GARS1: variants seen among roughly 807,000 people sequenced by gnomAD.
GARS1 encodes the protein glycyl-tRNA synthetase 1.
Under a neutral mutation model 86.4 loss-of-function variants are expected in GARS1, and 46 were observed. That is an observed-to-expected ratio of 0.53 (90% CI 0.42 to 0.68). GARS1 has a LOEUF of 0.68. Ranked by LOEUF, GARS1 falls within the 30% of genes least tolerant of loss-of-function variation. GARS1 has a pLI of 0.00. For missense variants in GARS1, 797 were observed against 915.6 expected, an observed-to-expected ratio of 0.87 and a Z score of 1.67; for synonymous variants, 342 against 329.8, an observed-to-expected ratio of 1.04 and a Z score of -0.40.
Position 30,594,916 on chromosome 7 carries a change from A to C in GARS1, c.-6A>C. 1 of 1,570,714 alleles carries C rather than the reference A, an allele frequency of 6.4e-7. No individual in the cohort carries two copies. The highest frequency in any genetic ancestry group is 1.2e-5 in the South Asian group (1 of 86,878). On this transcript the variant is annotated 5_prime_UTR_variant, in exon 1 of 17. Coordinates refer to ENST00000389266, the MANE Select transcript of GARS1 (RefSeq NM_002047.4). Reference sequence around the variant, plus strand: ...CCCTCTCTGGACAGCCCAGGGCCGCAGGCTCATGCCCTCTCCGCGTCCAGT... The same window carrying C: ...CCCTCTCTGGACAGCCCAGGGCCGCCGGCTCATGCCCTCTCCGCGTCCAGT...
intron 8 of GARS1, among the ~76,000 whole-genome samples, chr7:30,613,401 C>CG (rs1782817877): frequency 6.6e-6 from 1 of 152,204 alleles, no homozygotes; most frequent in African/African-American, 2.4e-5. Context: ...TTCCCAGTGT[C>CG]TGAGTGTTTT....
At chr7:30,604,683 A>T (rs990675634) in intron 6 of GARS1, among the ~76,000 whole-genome samples, 11 of 152,128 alleles carry the variant, frequency 7.2e-5, no homozygotes, top group African/African-American at 2.7e-4. Context: ...CCCTTGCTTG[A>T]AGCTCATTGT....
At position 30,626,338 on chromosome 7, in the gene GARS1, TAAAC is replaced by T. The variant is rs1404348632; in HGVS notation, c.1699+23_1699+26del. On this transcript the variant is annotated intron_variant, in intron 13 of 16. Coordinates refer to ENST00000389266, the MANE Select transcript of GARS1 (RefSeq NM_002047.4). ...CTATATGGTAAATTTGTAAAAATAA[TAAAC>T]AAAAAGTCACTGCTCCTTAAAGCTT... The T allele has an allele frequency of 1.2e-5, 17 of 1,440,348 alleles. No homozygotes were observed. The highest frequency in any genetic ancestry group is 1.6e-5 in the Non-Finnish European group (16 of 1,024,644). The allele number at this position is 1,440,348 out of a possible 1,614,324, so 89.2% of individuals were successfully genotyped here.
intron 8 of GARS1, among the ~76,000 whole-genome samples, chr7:30,613,915 G>T (rs1273848486): frequency 6.6e-6 from 1 of 152,024 alleles, no homozygotes; most frequent in East Asian, 1.9e-4. Flanking sequence ...CCTTTTGTTA[G>T]TTTAGAGGTA....
intron 1 of GARS1, 31 bp from the exon 2 acceptor site, chr7:30,598,765 A>G (rs1791313350): frequency 6.4e-7 from 1 of 1,555,226 alleles, no homozygotes; most frequent in Non-Finnish European, 8.9e-7. Flanking sequence ...TCTGAAACCA[A>G]TCCTGAATAT....
intron 12 of GARS1, among the ~76,000 whole-genome samples, chr7:30,624,373 A>G (rs1783082771): frequency 6.6e-6 from 1 of 152,216 alleles, no homozygotes; most frequent in African/African-American, 2.4e-5. Flanking sequence ...GTAAATAGAA[A>G]TGGCATTTTC....
At chr7:30,627,801 A>G (rs952280962) in intron 13 of GARS1, among the ~76,000 whole-genome samples, 2 of 152,248 alleles carry the variant, frequency 1.3e-5, no homozygotes, top group African/African-American at 4.8e-5. Context: ...AATACAAACC[A>G]TGTAATACTT....
At chr7:30,605,756 G>GAAAAATCCTTTAAAAATAAAGGATTTA in intron 6 of GARS1, among the ~76,000 whole-genome samples, 1 of 152,202 alleles carries the variant, frequency 6.6e-6, no homozygotes, top group African/African-American at 2.4e-5. Flanking sequence ...CTCTAAAAGA[G>GAAAAATCCTTTAAAAATAAAGGATTTA]AAAAATCCTT....
rs1783033288 is a variant in GARS1, at chr7:30,622,458, A to G, written c.1609A>G (p.Lys537Glu). Residue 537 changes from lysine to glutamate, a missense_variant, in exon 12 of 17, where the codon AAA (lysine) becomes GAA (glutamate). By Grantham distance (56) the Lys-to-Glu change is moderately conservative. This residue lies in a region of GARS1 where 598 missense variants were observed against 738.7 expected (regional missense o/e 0.81). Coordinates refer to ENST00000389266, the MANE Select transcript of GARS1 (RefSeq NM_002047.4). Reference sequence around the variant, plus strand: ...AGAAATGGAGATGCTGCTGAATGAGAAAGGGTAAGATATCAGATGTTTACT... The same window carrying G: ...AGAAATGGAGATGCTGCTGAATGAGGAAGGGTAAGATATCAGATGTTTACT... The part of the protein sequence containing the change: ...ITEMEMLLNE[K>E]GEFTIETEGK... The G allele has an allele frequency of 6.2e-7, 1 of 1,614,102 alleles. No homozygotes were observed. Among genetic ancestry groups the G allele is most frequent in the African/African-American group, 1.3e-5 (1 of 75,046 alleles).
At chr7:30,620,042 G>A (rs758050514) in intron 10 of GARS1, among the ~76,000 whole-genome samples, 13 of 151,838 alleles carry the variant, frequency 8.6e-5, no homozygotes, top group Non-Finnish European at 1.3e-4. Flanking sequence ...CTCCCAAAGT[G>A]CTGGGATTAG....
intron 4 of GARS1, 54 bp from the exon 5 acceptor site, chr7:30,602,980 T>C (rs1429927072): frequency 6.1e-6 from 7 of 1,150,380 alleles, no homozygotes; most frequent in African/African-American, 6.1e-5. Context: ...TAAGGTAATA[T>C]CTATGTGTAA....
chr7:30,614,615 C>T (rs1443250547), intron 8 of GARS1, among the ~76,000 whole-genome samples: 1 of 152,164 alleles, frequency 6.6e-6, no homozygotes, highest in African/African-American at 2.4e-5. Context: ...GTGGCTCACG[C>T]CTGTAATCCC....
At chr7:30,633,110 T>C (rs1435512338) in intron 16 of GARS1, among the ~76,000 whole-genome samples, 7 of 152,236 alleles carry the variant, frequency 4.6e-5, no homozygotes. Flanking sequence ...AAGTCGTGAA[T>C]TTCTAGCTTG....
chr7:30,632,339 G>T lies in GARS1; in HGVS notation c.1996G>T (p.Val666Leu), dbSNP rs544634101. 1.2e-6 allele frequency: 2 copies of T among 1,614,124 alleles called. No individual in the cohort carries two copies. Among genetic ancestry groups the T allele is most frequent in the Admixed American group, 1.7e-5 (1 of 60,022 alleles). The change falls in exon 16 of 17, where the codon GTG becomes TTG. Residue 666 changes from valine to leucine, a missense_variant. Physicochemically the swap from Val to Leu is conservative, Grantham distance 32. Coordinates refer to ENST00000389266, the MANE Select transcript of GARS1 (RefSeq NM_002047.4). The surrounding 1 kb of genome is among the most constrained non-coding windows in gnomAD (Gnocchi z 4.1). ...RRYARTDEIG[V>L]AFGVTIDFDT... ...CTATGCCAGGACTGATGAGATTGGCGTGGCTTTTGGTGTCACCATTGACTT... is the reference window on the plus strand; with the variant it reads ...CTATGCCAGGACTGATGAGATTGGCTTGGCTTTTGGTGTCACCATTGACTT...
chr7:30,622,317 A>G lies in GARS1; in HGVS notation c.1468A>G (p.Lys490Glu), dbSNP rs1306905236. Reference protein sequence around the residue: ...LVAEKPLKEPKTVNVVQFEPS... With the variant: ...LVAEKPLKEPETVNVVQFEPS... ...TTTGGATTCCTTGACTACTTCATAC[A>G]AAACAGTCAATGTTGTTCAGTTTGA... Residue 490 changes from lysine to glutamate, a missense_variant and splice_region_variant, in exon 12 of 17, where the codon AAA (lysine) becomes GAA (glutamate). Lys to Glu is a moderately conservative substitution (Grantham distance 56). Around this residue, in one of 2 missense-constraint regions of GARS1, gnomAD observed 598 missense variants for 738.7 expected, o/e 0.81. Transcript: ENST00000389266. 2 of 1,614,148 alleles carry G rather than the reference A, an allele frequency of 1.2e-6. No individual in the cohort carries two copies. Among genetic ancestry groups the G allele is most frequent in the South Asian group, 1.1e-5 (1 of 91,080 alleles).
At chr7:30,597,364 G>T (rs1791273707) in intron 1 of GARS1, among the ~76,000 whole-genome samples, 1 of 152,170 alleles carries the variant, frequency 6.6e-6, no homozygotes, top group Non-Finnish European at 1.5e-5. Context: ...AAATAACCTT[G>T]AAGAAGCTAC....
rs138469999 is a variant in GARS1, at chr7:30,627,014, T to G, written c.1699+695T>G. On this transcript the variant is annotated intron_variant, in intron 13 of 16. Transcript: ENST00000389266. ...AAAAAAAAGTAATTTAGACCAGTGA[T>G]GTTGCATGCTTTTTTAAAAGTTAAG... 1,233 of 449,118 alleles carry G rather than the reference T, an allele frequency of 2.7e-3. 17 individuals carry two copies. The highest frequency in any genetic ancestry group is 0.023 in the African/African-American group (1,118 of 48,230). The allele number at this position is 449,118 out of a possible 1,614,324, so 27.8% of individuals were successfully genotyped here.
Position 30,594,919 on chromosome 7 carries a change from C to G in GARS1, c.-3C>G. The G allele has an allele frequency of 6.3e-7, 1 of 1,576,426 alleles. No individual in the cohort carries two copies. Among genetic ancestry groups the G allele is most frequent in the Non-Finnish European group, 8.6e-7 (1 of 1,168,718 alleles). ...TCTCTGGACAGCCCAGGGCCGCAGG[C>G]TCATGCCCTCTCCGCGTCCAGTGCT... On this transcript the variant is annotated 5_prime_UTR_variant, in exon 1 of 17. Coordinates refer to ENST00000389266, the MANE Select transcript of GARS1 (RefSeq NM_002047.4).
intron 16 of GARS1, 39 bp from the exon 17 acceptor site, chr7:30,633,696 A>C (rs1257881090): frequency 6.2e-7 from 1 of 1,610,376 alleles, no homozygotes; most frequent in Non-Finnish European, 8.5e-7. Flanking sequence ...AAATCTGAAC[A>C]AGTTGGTTGA....
Sources: gnomAD v4.1 joint callset for allele counts (sites outside exome capture counted in the v4.1 genomes callset) on GRCh38, gnomAD v4.1.1 for gene constraint, gnomAD v4.1.1 regional missense constraint, Gnocchi (gnomAD v3.1) non-coding constraint, MANE v1.5 for transcripts, NCBI Gene and HGNC (gene_info 2026-07-23, HGNC 2026-07-21) for gene names.